GNG7: variants seen among roughly 807,000 people sequenced by gnomAD.
The protein encoded by GNG7 is G protein subunit gamma 7, also known as guanine nucleotide-binding protein G(I)/G(S)/G(O) subunit gamma-7.
A neutral mutation model predicts 4.0 loss-of-function variants in GNG7; 1 was observed. The observed-to-expected ratio is 0.25, with a 90% CI of 0.09 to 1.18. The LOEUF is 1.18. GNG7 is among the 50% of genes most tolerant of loss of function. GNG7 has a pLI of 0.50. For missense variants in GNG7, 86 were observed against 91.9 expected (o/e 0.94, Z 0.26); for synonymous variants, 34 against 36.9 (o/e 0.92, Z 0.29).
chr19:2,686,379 A>G (rs1356702870), intron 1 of GNG7, among the ~76,000 whole-genome samples: 1 of 152,074 alleles, frequency 6.6e-6, no homozygotes, highest in Non-Finnish European at 1.5e-5. Context: ...GCTGGTCTCC[A>G]ACTACTGGCC....
chr19:2,686,078 G>A (rs1243902912), intron 1 of GNG7, among the ~76,000 whole-genome samples: 1 of 152,016 alleles, frequency 6.6e-6, no homozygotes. Flanking sequence ...ACCCAGGGGT[G>A]TCATCTTGGT....
intron 3 of GNG7, among the ~76,000 whole-genome samples, chr19:2,548,481 G>GA (rs34242476): frequency 0.24 from 18,118 of 77,018 alleles, 1,965 homozygotes; most frequent in East Asian, 0.31. Flanking sequence ...GCTCTGTCTG[G>GA]AAAAAAAAAA....
chr19:2,676,763 G>A (rs1316519028), intron 1 of GNG7, among the ~76,000 whole-genome samples: 1 of 151,834 alleles, frequency 6.6e-6, no homozygotes, highest in African/African-American at 2.4e-5. Context: ...TGCAGATGGA[G>A]GTTCAGGAGC....
Position 2,684,229 on chromosome 19 carries a change from T to C in GNG7, c.-135+18417A>G, listed in dbSNP as rs551770776. Among the ~76,000 whole-genome samples the C allele has an allele frequency of 1.8e-4, 27 of 149,484 alleles. No homozygotes were observed. The East Asian group carries it at 3.6e-3, about 20-fold the overall frequency. The stretch of plus-strand genomic sequence containing the variant: ...TCGGCTCACTGCAAGCTCCTCCTCC[T>C]GGGTTCAAGCAATTCTCCTGCCTCA... On this transcript the variant is annotated intron_variant, in intron 1 of 4. Coordinates refer to ENST00000382159, the MANE Select transcript of GNG7 (RefSeq NM_052847.3).
rs1403244097 is a variant in GNG7, at chr19:2,633,531, T to C, written c.-78+12693A>G. Among the ~76,000 whole-genome samples, 1 of 130,864 alleles carries C rather than the reference T, an allele frequency of 7.6e-6. No individual in the cohort carries two copies. Among genetic ancestry groups the C allele is most frequent in the South Asian group, 2.5e-4 (1 of 4,018 alleles). The allele number at this position is 130,864 out of a possible 152,430, so 85.9% of individuals were successfully genotyped here. ...CACACACACACACACACACGAGAGG[T>C]GGCTGTGGTCTGCACACTGGGCTGG... On this transcript the variant is annotated intron_variant, in intron 2 of 4. Coordinates refer to ENST00000382159, the MANE Select transcript of GNG7 (RefSeq NM_052847.3). This position sits in a 1 kb window ranked among gnomAD's most constrained non-coding sequence, Gnocchi z 5.9.
At chr19:2,525,578 A>G (rs1382052321) in intron 3 of GNG7, among the ~76,000 whole-genome samples, 1 of 152,112 alleles carries the variant, frequency 6.6e-6, no homozygotes, top group African/African-American at 2.4e-5. Flanking sequence ...CTGATCAGAC[A>G]CGAGGCTCCA....
intron 2 of GNG7, among the ~76,000 whole-genome samples, chr19:2,640,153 G>A (rs748476560): frequency 8.9e-5 from 12 of 135,334 alleles, no homozygotes; most frequent in African/African-American, 1.7e-4. Flanking sequence ...GGAAGGAAGC[G>A]GCAGAGGGAG....
chr19:2,573,209 G>A (rs1048718377), intron 2 of GNG7, among the ~76,000 whole-genome samples: 9 of 151,150 alleles, frequency 6.0e-5, no homozygotes, highest in East Asian at 4.0e-4. Context: ...TTTTAGTAGC[G>A]ACGGGGTTTC....
In GNG7 at chr19:2,618,983, TTTTG is replaced by T. The variant is rs1445141486; in HGVS notation, c.-78+27237_-78+27240del. ...CTTTCTTTGGTATTTCCATGAACTT[TTTTG>T]TTTGTCTCTTTAAGAAAACGGTTAC... On this transcript the variant is annotated intron_variant, in intron 2 of 4. Transcript: ENST00000382159. This position sits in a 1 kb window ranked among gnomAD's most constrained non-coding sequence, Gnocchi z 5.1. 6.6e-6 allele frequency among the ~76,000 whole-genome samples: 1 copy of T among 152,206 alleles called. No individual in the cohort carries two copies. The highest frequency in any genetic ancestry group is 2.4e-5 in the African/African-American group (1 of 41,446).
In GNG7 at chr19:2,520,850, C is replaced by G. The variant is rs982062048; in HGVS notation, c.-37-125G>C. On this transcript the variant is annotated intron_variant, in intron 3 of 4. Transcript: ENST00000382159. The stretch of plus-strand genomic sequence containing the variant: ...CGGCCACTTTGCCTCTGGGTGGGGA[C>G]CAGGGGCCTCCGTGTACAAAGAGCT... The G allele has an allele frequency of 1.0e-5, 6 of 583,740 alleles. No homozygotes were observed. The African/African-American group carries it at 1.1e-4, about 11-fold the overall frequency. 36.2% of individuals were successfully genotyped at this position (583,740 alleles called of 1,614,324 possible).
intron 2 of GNG7, chr19:2,643,668 T>C (rs1230351447): frequency 4.4e-6 from 2 of 456,338 alleles, no homozygotes; most frequent in East Asian, 1.4e-4. Context: ...TGCGCCTCCT[T>C]TTTCGGGCTG....
chr19:2,527,672 G>A (rs900597377), intron 3 of GNG7, among the ~76,000 whole-genome samples: 1 of 152,168 alleles, frequency 6.6e-6, no homozygotes, highest in Non-Finnish European at 1.5e-5. Flanking sequence ...CTCCAGTACA[G>A]GCCCTCTCCC....
chr19:2,690,657 A>G (rs1048796183), intron 1 of GNG7, among the ~76,000 whole-genome samples: 17 of 151,642 alleles, frequency 1.1e-4, no homozygotes, highest in African/African-American at 3.6e-4. Context: ...GCAGTGGCAC[A>G]ATCTTGGCTC....
intron 3 of GNG7, among the ~76,000 whole-genome samples, chr19:2,535,055 A>C (rs921027472): frequency 6.6e-6 from 1 of 152,198 alleles, no homozygotes; most frequent in Non-Finnish European, 1.5e-5. Flanking sequence ...TTAACACATA[A>C]AATTAACAGT....
At chr19:2,526,171 C>T (rs995125104) in intron 3 of GNG7, among the ~76,000 whole-genome samples, 1 of 151,800 alleles carries the variant, frequency 6.6e-6, no homozygotes, top group Non-Finnish European at 1.5e-5. Flanking sequence ...GGGGTTTCAC[C>T]GTGTTAGCCA....
In GNG7 at chr19:2,626,615, C is replaced by A. The variant is rs530628083; in HGVS notation, c.-78+19609G>T. On this transcript the variant is annotated intron_variant, in intron 2 of 4. Coordinates refer to ENST00000382159, the MANE Select transcript of GNG7 (RefSeq NM_052847.3). This position sits in a 1 kb window ranked among gnomAD's most constrained non-coding sequence, Gnocchi z 5.0. ...CCTCCAGGAAGCCCTCCCTGAATTC[C>A]CGAACAAAGCTCCTGGTGTGGGCAC... 6.6e-6 allele frequency among the ~76,000 whole-genome samples: 1 copy of A among 152,206 alleles called. No individual in the cohort carries two copies. The highest frequency in any genetic ancestry group is 1.5e-5 in the Non-Finnish European group (1 of 68,038).
chr19:2,522,691 G>T (rs1978316483), intron 3 of GNG7, among the ~76,000 whole-genome samples: 1 of 126,838 alleles, frequency 7.9e-6, no homozygotes, highest in Non-Finnish European at 1.6e-5. Flanking sequence ...GGCGGAGCTT[G>T]CAGTGAGCAG....
intron 1 of GNG7, among the ~76,000 whole-genome samples, chr19:2,660,983 G>A (rs947541439): frequency 1.1e-4 from 16 of 150,880 alleles, no homozygotes; most frequent in African/African-American, 2.4e-4. Flanking sequence ...AGGCCGAGGC[G>A]GGCAGATCAC....
Position 2,555,195 on chromosome 19 carries a change from A to G in GNG7, c.-77-7T>C, listed in dbSNP as rs1417479422. 1 of 152,184 alleles carries G rather than the reference A, an allele frequency of 6.6e-6. No homozygotes were observed. The highest frequency in any genetic ancestry group is 1.5e-5 in the Non-Finnish European group (1 of 68,034). The allele number at this position is 152,184 out of a possible 1,614,324, so 9.4% of individuals were successfully genotyped here. On this transcript the variant is annotated splice_region_variant and splice_polypyrimidine_tract_variant and intron_variant, in intron 2 of 4. Coordinates refer to ENST00000382159, the MANE Select transcript of GNG7 (RefSeq NM_052847.3). ...TCACAGCTTGCTGTACACCCTGTTT[A>G]AAAAAGGAGAGAGAAAGAGAAAAGC...
Sources: allele counts gnomAD v4.1 joint callset (sites outside exome capture counted in the v4.1 genomes callset), GRCh38; gene constraint gnomAD v4.1.1; non-coding constraint Gnocchi (gnomAD v3.1); transcripts MANE v1.5; gene names NCBI Gene and HGNC (gene_info 2026-07-23, HGNC 2026-07-21).